The following SH3BGRL2 variants were observed in gnomAD, a reference collection of about 807,000 sequenced individuals.
SH3BGRL2 encodes the protein SH3 domain binding glutamate rich protein like 2, also known as SH3 domain-binding glutamic acid-rich-like protein 2.
A neutral mutation model predicts 14.8 loss-of-function variants in SH3BGRL2; 21 were observed. The observed-to-expected ratio is 1.42, with a 90% CI of 1.01 to 2.05. The LOEUF is 2.05. Among genes scored for constraint, SH3BGRL2 ranks in the 30% most tolerant of loss-of-function variants. SH3BGRL2 has a pLI of 0.00. For missense variants in SH3BGRL2, 147 were observed against 130.8 expected (o/e 1.12, Z -0.61); for synonymous variants, 50 against 47.8 (o/e 1.05, Z -0.19).
chr6:79,545,422 T>C, the SH3BGRL2 span, among the ~76,000 whole-genome samples: 2,830 of 152,330 alleles, frequency 0.019, 84 homozygotes, highest in African/African-American at 0.065. Flanking sequence ...ATCACTGAAA[T>C]CTTGAATTAT....
the SH3BGRL2 span, among the ~76,000 whole-genome samples, chr6:79,550,044 G>C: frequency 2.2e-4 from 34 of 152,152 alleles, no homozygotes; most frequent in African/African-American, 7.9e-4. Context: ...TGATTAGTAA[G>C]AATTATGGAC....
intron 2 of SH3BGRL2, among the ~76,000 whole-genome samples, chr6:79,679,895 T>C (rs1769956919): frequency 6.6e-6 from 1 of 152,220 alleles, no homozygotes; most frequent in African/African-American, 2.4e-5. Flanking sequence ...AAGACGTATC[T>C]ATTCAGGTTC....
chr6:79,644,225 G>A (rs895311937), intron 1 of SH3BGRL2, among the ~76,000 whole-genome samples: 1 of 152,146 alleles, frequency 6.6e-6, no homozygotes, highest in Non-Finnish European at 1.5e-5. Context: ...TGAGTGGAAG[G>A]AGTTTATCAA....
chr6:79,626,420 G>A (rs1203118521), upstream of SH3BGRL2, among the ~76,000 whole-genome samples: 1 of 152,110 alleles, frequency 6.6e-6, no homozygotes, highest in Non-Finnish European at 1.5e-5. Context: ...AATTTCCAAA[G>A]AGGAGAGATG....
chr6:79,662,909 C>G (rs768658216), intron 1 of SH3BGRL2, among the ~76,000 whole-genome samples: 2 of 152,174 alleles, frequency 1.3e-5, no homozygotes, highest in Non-Finnish European at 2.9e-5. Context: ...TCTTCAATCA[C>G]TGATATCCTT....
chr6:79,559,926 T>C, the SH3BGRL2 span, among the ~76,000 whole-genome samples: 3 of 152,206 alleles, frequency 2.0e-5, no homozygotes, highest in Middle Eastern at 3.2e-3. Context: ...TGTACTCTTA[T>C]TCTTGTAAAT....
chr6:79,635,616 G>A (rs749900823), intron 1 of SH3BGRL2, among the ~76,000 whole-genome samples: 2 of 152,232 alleles, frequency 1.3e-5, no homozygotes, highest in Non-Finnish European at 1.5e-5. Flanking sequence ...GATAGTGAAG[G>A]ACTGATGCTG....
chr6:79,640,790 T>C (rs1333594729), intron 1 of SH3BGRL2, among the ~76,000 whole-genome samples: 1 of 151,992 alleles, frequency 6.6e-6, no homozygotes, highest in Non-Finnish European at 1.5e-5. Flanking sequence ...TAATTTAGGA[T>C]GTGTTTGCCA....
chr6:79,590,455 A>ATATGTATG, the SH3BGRL2 span, among the ~76,000 whole-genome samples: 6 of 116,144 alleles, frequency 5.2e-5, no homozygotes, highest in Admixed American at 5.2e-4. Flanking sequence ...ATATATATAT[A>ATATGTATG]TATATATATG....
chr6:79,696,142 C>T (rs115173429), intron 2 of SH3BGRL2, among the ~76,000 whole-genome samples: 2,771 of 152,054 alleles, frequency 0.018, 73 homozygotes, highest in African/African-American at 0.062. Flanking sequence ...GCCTTCCATA[C>T]TGAAAACCTA....
At chr6:79,600,272 T>G in the SH3BGRL2 span, among the ~76,000 whole-genome samples, 1 of 152,184 alleles carries the variant, frequency 6.6e-6, no homozygotes, top group Non-Finnish European at 1.5e-5. Context: ...TACCTACAAC[T>G]GTCTTTTAAA....
intron 2 of SH3BGRL2, among the ~76,000 whole-genome samples, chr6:79,681,564 T>C (rs1242859666): frequency 6.6e-6 from 1 of 152,112 alleles, no homozygotes; most frequent in Non-Finnish European, 1.5e-5. Flanking sequence ...TGGTGTCTCC[T>C]CTCCTCTTCA....
chr6:79,651,492 G>A (rs1023084345), intron 1 of SH3BGRL2, among the ~76,000 whole-genome samples: 20 of 152,056 alleles, frequency 1.3e-4, no homozygotes, highest in Non-Finnish European at 2.9e-4. Flanking sequence ...GTTTTATTAA[G>A]GCTTTACATC....
chr6:79,659,181 A>G lies in SH3BGRL2; in HGVS notation c.46-14433A>G, dbSNP rs138810334. Among the ~76,000 whole-genome samples the G allele has an allele frequency of 4.4e-3, 667 of 152,064 alleles. 12 individuals carry two copies. Among genetic ancestry groups the G allele is most frequent in the African/African-American group, 0.015 (614 of 41,512 alleles). On this transcript the variant is annotated intron_variant, in intron 1 of 3. Transcript: ENST00000369838. ...GTCAATTTTGGCTTTTGTTGCCATT[A>G]CTTTTGGTGTTTTAGTCCTGAAGTC... is the stretch of plus-strand genomic sequence containing the variant.
the SH3BGRL2 span, among the ~76,000 whole-genome samples, chr6:79,620,354 G>A: frequency 8.6e-5 from 13 of 151,878 alleles, no homozygotes; most frequent in Admixed American, 4.6e-4. Flanking sequence ...TTATGAGAGT[G>A]AAATGGCAAA....
chr6:79,548,744 A>G, the SH3BGRL2 span, among the ~76,000 whole-genome samples: 1 of 152,234 alleles, frequency 6.6e-6, no homozygotes, highest in Non-Finnish European at 1.5e-5. Context: ...GGAGTGGGAC[A>G]TAATTACTCC....
intron 2 of SH3BGRL2, among the ~76,000 whole-genome samples, chr6:79,678,051 C>G (rs977334076): frequency 5.3e-5 from 8 of 151,974 alleles, no homozygotes; most frequent in Admixed American, 1.3e-4. Flanking sequence ...ATACCTACTC[C>G]CCTTTCATTT....
the SH3BGRL2 span, among the ~76,000 whole-genome samples, chr6:79,584,187 A>G: frequency 6.6e-6 from 1 of 152,106 alleles, no homozygotes; most frequent in African/African-American, 2.4e-5. Context: ...GCATTTCATT[A>G]TGGGTATATA....
chr6:79,676,478 C>G (rs895796429), intron 2 of SH3BGRL2, among the ~76,000 whole-genome samples: 1 of 152,032 alleles, frequency 6.6e-6, no homozygotes, highest in African/African-American at 2.4e-5. Flanking sequence ...GCTGATAGTG[C>G]TCCTGCAGAC....
Sources: gnomAD v4.1 joint callset for allele counts (sites outside exome capture counted in the v4.1 genomes callset) on GRCh38, gnomAD v4.1.1 for gene constraint, MANE v1.5 for transcripts, NCBI Gene and HGNC (gene_info 2026-07-23, HGNC 2026-07-21) for gene names.